The following ZNF503 variants were observed in gnomAD, a reference collection of about 807,000 sequenced individuals.
ZNF503 encodes the protein NocA-like zinc finger 2.
Under a neutral mutation model 34.4 loss-of-function variants are expected in ZNF503, and 15 were observed. That is an observed-to-expected ratio of 0.44 (90% CI 0.29 to 0.67). ZNF503 has a LOEUF of 0.67. ZNF503 is among the 30% of genes least tolerant of loss of function. The pLI is 0.13. For missense variants in ZNF503, 1,007 were observed against 926.8 expected, an observed-to-expected ratio of 1.09 and a Z score of -1.12; for synonymous variants, 580 against 456.8, an observed-to-expected ratio of 1.27 and a Z score of -3.44.
At chr10:75,379,781 A>G in the ZNF503 span, among the ~76,000 whole-genome samples, 1 of 152,270 alleles carries the variant, frequency 6.6e-6, no homozygotes, top group East Asian at 1.9e-4. Context: ...AGGTATGATT[A>G]TCATAAATAT....
At chr10:75,346,027 T>G in the ZNF503 span, among the ~76,000 whole-genome samples, 1 of 152,234 alleles carries the variant, frequency 6.6e-6, no homozygotes, top group Non-Finnish European at 1.5e-5. Flanking sequence ...CTGATAAGAC[T>G]GTTCAGTTCT....
the ZNF503 span, among the ~76,000 whole-genome samples, chr10:75,284,839 A>G: frequency 6.6e-6 from 1 of 152,226 alleles, no homozygotes; most frequent in Non-Finnish European, 1.5e-5. Flanking sequence ...GTTATTTTAA[A>G]CAGAGAATGC....
the ZNF503 span, among the ~76,000 whole-genome samples, chr10:75,329,704 T>G: frequency 1.3e-5 from 2 of 152,168 alleles, no homozygotes; most frequent in African/African-American, 4.8e-5. Flanking sequence ...CTCAAACTCC[T>G]TGCCTCATGC....
chr10:75,355,565 A>G, the ZNF503 span, among the ~76,000 whole-genome samples: 18 of 152,104 alleles, frequency 1.2e-4, no homozygotes, highest in African/African-American at 4.1e-4. Context: ...CCATCTAGCC[A>G]TCAACATCTA....
the ZNF503 span, among the ~76,000 whole-genome samples, chr10:75,368,520 A>G: frequency 6.6e-6 from 1 of 152,252 alleles, no homozygotes; most frequent in South Asian, 2.1e-4. Flanking sequence ...CTGGAGGCCA[A>G]AGCAAAGAAG....
chr10:75,296,498 A>AC, the ZNF503 span: 77,407 of 151,562 alleles, frequency 0.51, 20,159 homozygotes, highest in South Asian at 0.69. Flanking sequence ...TGGCTCAGAC[A>AC]CCCCCCCTTC....
At chr10:75,348,384 G>A in the ZNF503 span, among the ~76,000 whole-genome samples, 38 of 151,798 alleles carry the variant, frequency 2.5e-4, no homozygotes, top group Middle Eastern at 6.9e-3. Context: ...TTTTTGGAGA[G>A]ACAAGGTTTC....
At chr10:75,366,824 C>T in the ZNF503 span, among the ~76,000 whole-genome samples, 2 of 152,210 alleles carry the variant, frequency 1.3e-5, no homozygotes, top group South Asian at 4.1e-4. Context: ...TCCTTCGTCC[C>T]GCGGGTGAGA....
chr10:75,340,670 C>T, the ZNF503 span, among the ~76,000 whole-genome samples: 3 of 152,146 alleles, frequency 2.0e-5, no homozygotes, highest in South Asian at 2.1e-4. Context: ...ATGATTTCAG[C>T]TCACTGCAAC....
chr10:75,401,523 G>T lies in ZNF503; in HGVS notation c.-104C>A, dbSNP rs989726631. 2.1e-6 allele frequency: 3 copies of T among 1,400,158 alleles called. No individual in the cohort carries two copies. Among genetic ancestry groups the T allele is most frequent in the Non-Finnish European group, 2.8e-6 (3 of 1,052,758 alleles). The allele number at this position is 1,400,158 out of a possible 1,614,324, so 86.7% of individuals were successfully genotyped here. A position where few individuals can be genotyped will look rare whatever the true frequency, so the allele number is the denominator to read the frequency against. On this transcript the variant is annotated 5_prime_UTR_variant, in exon 1 of 2. Coordinates refer to ENST00000372524, the MANE Select transcript of ZNF503 (RefSeq NM_032772.6). ...CCGGGAGCAGGAGCAGCGGGAGGAG[G>T]AGGAGCTGGCGCGGCGGCCACGGGC...
the ZNF503 span, among the ~76,000 whole-genome samples, chr10:75,327,651 T>C: frequency 6.6e-6 from 1 of 152,248 alleles, no homozygotes; most frequent in Non-Finnish European, 1.5e-5. Context: ...TAGTTCTATT[T>C]GTAGTTTTTT....
the ZNF503 span, among the ~76,000 whole-genome samples, chr10:75,325,711 T>C: frequency 5.4e-4 from 83 of 152,316 alleles, no homozygotes; most frequent in African/African-American, 1.9e-3. Context: ...TTGGGGGGAA[T>C]TGTCATCTTA....
At chr10:75,345,634 CA>C in the ZNF503 span, among the ~76,000 whole-genome samples, 144 of 72,260 alleles carry the variant, frequency 2.0e-3, no homozygotes, top group African/African-American at 4.3e-3. Flanking sequence ...GACTCTGTCT[CA>C]AAAAAAAAAA....
the ZNF503 span, among the ~76,000 whole-genome samples, chr10:75,385,729 T>C: frequency 6.6e-6 from 1 of 152,306 alleles, no homozygotes; most frequent in East Asian, 1.9e-4. Flanking sequence ...GTCAGCTCCA[T>C]AGTGTGAGAA....
the ZNF503 span, among the ~76,000 whole-genome samples, chr10:75,374,500 C>G: frequency 2.6e-5 from 4 of 152,252 alleles, no homozygotes; most frequent in Admixed American, 2.0e-4. Flanking sequence ...TGTCCTAGAA[C>G]AGCTTTCCAC....
chr10:75,354,666 T>C, the ZNF503 span, among the ~76,000 whole-genome samples: 5 of 152,124 alleles, frequency 3.3e-5, no homozygotes, highest in Admixed American at 2.6e-4. Flanking sequence ...GTTATGATCA[T>C]GCCAGTGCAC....
the ZNF503 span, chr10:75,382,776 C>A: frequency 3.0e-6 from 1 of 329,124 alleles, no homozygotes; most frequent in South Asian, 3.2e-5. Context: ...TCTCGTGGGT[C>A]AGCTCTTTAA....
the ZNF503 span, among the ~76,000 whole-genome samples, chr10:75,330,647 G>T: frequency 6.6e-6 from 1 of 152,034 alleles, no homozygotes; most frequent in Non-Finnish European, 1.5e-5. Context: ...ATAGTTGTTT[G>T]TAATAGTCTC....
At chr10:75,317,391 T>C in the ZNF503 span, among the ~76,000 whole-genome samples, 1 of 125,198 alleles carries the variant, frequency 8.0e-6, no homozygotes, top group African/African-American at 3.0e-5. Context: ...CATTCTCCTA[T>C]CTCAGCCTCC....
Sources: allele counts gnomAD v4.1 joint callset (sites outside exome capture counted in the v4.1 genomes callset), GRCh38; gene constraint gnomAD v4.1.1; transcripts MANE v1.5; gene names NCBI Gene and HGNC (gene_info 2026-07-23, HGNC 2026-07-21).